Variants in ASTN2 observed in about 807,000 individuals in gnomAD.
ASTN2 encodes astrotactin 2, also known as astrotactin-2.
ASTN2 carries 54 observed loss-of-function variants against 139.8 expected under a neutral mutation model. The ratio of observed to expected loss-of-function variants is 0.39; its 90% CI spans 0.31 to 0.48. ASTN2 has a LOEUF of 0.48. Among genes scored for constraint, ASTN2 ranks in the 20% least tolerant of loss-of-function variants. The pLI is 0.95. For synonymous variants in ASTN2, 756 were observed against 719.5 expected (o/e 1.05, Z -0.81); for missense variants, 1,565 against 1,725.1 (o/e 0.91, Z 1.64).
At chr9:116,861,462 C>T (rs1042247467) in intron 11 of ASTN2, among the ~76,000 whole-genome samples, 1 of 152,178 alleles carries the variant, frequency 6.6e-6, no homozygotes, top group African/African-American at 2.4e-5. Context: ...TTTCAGACTT[C>T]AGCAAATCCT....
intron 5 of ASTN2, among the ~76,000 whole-genome samples, chr9:117,062,735 A>G (rs951170878): frequency 2.6e-5 from 4 of 152,212 alleles, no homozygotes; most frequent in African/African-American, 9.7e-5. Flanking sequence ...CTTTTCTAGC[A>G]TACTATATAG....
chr9:116,943,676 A>G (rs1342186211), intron 10 of ASTN2, among the ~76,000 whole-genome samples: 1 of 152,202 alleles, frequency 6.6e-6, no homozygotes, highest in Non-Finnish European at 1.5e-5. Context: ...TAAAATCCCT[A>G]TCTTTGGCCT....
At chr9:117,153,457 C>T (rs1830367003) in intron 3 of ASTN2, among the ~76,000 whole-genome samples, 1 of 152,116 alleles carries the variant, frequency 6.6e-6, no homozygotes. Context: ...TGTTACGTAG[C>T]ATTGTTGTGG....
At chr9:117,153,745 T>G (rs1057075269) in intron 3 of ASTN2, among the ~76,000 whole-genome samples, 2 of 152,224 alleles carry the variant, frequency 1.3e-5, no homozygotes, top group African/African-American at 4.8e-5. Flanking sequence ...GTGATAATTG[T>G]GAGGATGATC....
intron 16 of ASTN2, among the ~76,000 whole-genome samples, chr9:116,705,617 C>A (rs1827969894): frequency 6.6e-6 from 1 of 152,132 alleles, no homozygotes; most frequent in Non-Finnish European, 1.5e-5. Context: ...AAGACATCTA[C>A]CCTTTATTAT....
intron 4 of ASTN2, among the ~76,000 whole-genome samples, chr9:117,099,750 C>T (rs1002320612): frequency 2.6e-5 from 4 of 152,100 alleles, no homozygotes; most frequent in South Asian, 2.1e-4. Flanking sequence ...CAGACAGTGG[C>T]GGGTAAATCT....
rs1439169784 is a variant in ASTN2, at chr9:116,593,908, T to G, written c.3355+24416A>C. Among the ~76,000 whole-genome samples, 3 of 152,272 alleles carry G rather than the reference T, an allele frequency of 2.0e-5. No individual in the cohort carries two copies. The Middle Eastern group carries it at 0.01, about 518-fold the overall frequency. Reference sequence around the variant, plus strand: ...CCACTTTATTCACAAAGGCCGCACATCCTTAGCCTCTGATTTCAGCCTCAA... The same window carrying G: ...CCACTTTATTCACAAAGGCCGCACAGCCTTAGCCTCTGATTTCAGCCTCAA... On this transcript the variant is annotated intron_variant, in intron 19 of 22. Coordinates refer to ENST00000313400, the MANE Select transcript of ASTN2 (RefSeq NM_001365068.1).
chr9:117,367,164 T>C (rs1299742658), intron 1 of ASTN2, among the ~76,000 whole-genome samples: 3 of 152,152 alleles, frequency 2.0e-5, no homozygotes, highest in African/African-American at 7.2e-5. Flanking sequence ...TTCCCCATTT[T>C]GTGTGCTGTT....
chr9:117,414,456 G>C lies in ASTN2; in HGVS notation c.442+41C>G. The stretch of plus-strand genomic sequence containing the variant: ...CCGTCCGGCATGACGCAGGGGCTCG[G>C]GGTTCCTTGGGATCTAGCGCGTGCC... On this transcript the variant is annotated intron_variant, in intron 1 of 22. Coordinates refer to ENST00000313400, the MANE Select transcript of ASTN2 (RefSeq NM_001365068.1). The surrounding 1 kb of genome is among the most constrained non-coding windows in gnomAD (Gnocchi z 4.2). The C allele has an allele frequency of 6.2e-7, 1 of 1,601,816 alleles. No homozygotes were observed. The highest frequency in any genetic ancestry group is 8.5e-7 in the Non-Finnish European group (1 of 1,174,562).
intron 1 of ASTN2, among the ~76,000 whole-genome samples, chr9:117,396,053 G>T (rs540943802): frequency 1.3e-5 from 2 of 152,072 alleles, no homozygotes; most frequent in Non-Finnish European, 2.9e-5. Context: ...CCCTAAGAAG[G>T]CCACCCCAAA....
At chr9:117,230,401 CCTT>C (rs1195320928) in intron 2 of ASTN2, among the ~76,000 whole-genome samples, 1 of 152,136 alleles carries the variant, frequency 6.6e-6, no homozygotes, top group South Asian at 2.1e-4. Flanking sequence ...CTTCAAATCA[CCTT>C]CTTCTCCCCT....
intron 6 of ASTN2, among the ~76,000 whole-genome samples, chr9:117,027,814 C>T (rs944767283): frequency 1.1e-4 from 17 of 152,098 alleles, no homozygotes; most frequent in Non-Finnish European, 2.2e-4. Context: ...ACATGTGATC[C>T]CTGTGAGGGT....
intron 1 of ASTN2, among the ~76,000 whole-genome samples, chr9:117,358,178 A>G (rs1829594200): frequency 6.6e-6 from 1 of 152,118 alleles, no homozygotes; most frequent in Admixed American, 6.6e-5. Context: ...GTTTCCCTAC[A>G]GGAAGCATCA....
intron 11 of ASTN2, among the ~76,000 whole-genome samples, chr9:116,860,131 T>C (rs1240891212): frequency 1.3e-5 from 2 of 152,268 alleles, no homozygotes; most frequent in Non-Finnish European, 2.9e-5. Flanking sequence ...GCATCAAACA[T>C]GCCCTTAGCT....
rs568030677 is a variant in ASTN2, at chr9:117,308,343, G to T, written c.443-16830C>A. On this transcript the variant is annotated intron_variant, in intron 1 of 22. Transcript: ENST00000313400. ...ATCAATGTTGCACACTGCAATTCATGCTCAACACACCCTCGAGGGACCTAT... is the reference window on the plus strand; with the variant it reads ...ATCAATGTTGCACACTGCAATTCATTCTCAACACACCCTCGAGGGACCTAT... 2.0e-5 allele frequency among the ~76,000 whole-genome samples: 3 copies of T among 152,286 alleles called. No individual in the cohort carries two copies. The South Asian group carries it at 6.2e-4, about 32-fold the overall frequency.
intron 16 of ASTN2, among the ~76,000 whole-genome samples, chr9:116,691,950 G>C (rs963716746): frequency 2.6e-5 from 4 of 152,230 alleles, no homozygotes; most frequent in Admixed American, 2.6e-4. Flanking sequence ...TTTATGTCTT[G>C]TGAAAGGAAA....
chr9:116,892,766 A>G (rs1259961954), intron 10 of ASTN2, among the ~76,000 whole-genome samples: 1 of 152,154 alleles, frequency 6.6e-6, no homozygotes, highest in Non-Finnish European at 1.5e-5. Flanking sequence ...TCATGGCTCA[A>G]ATGTCACCTG....
intron 19 of ASTN2, among the ~76,000 whole-genome samples, chr9:116,500,800 T>C (rs1849828522): frequency 2.0e-5 from 3 of 152,342 alleles, no homozygotes; most frequent in South Asian, 2.1e-4. Flanking sequence ...ACCTAGCACA[T>C]TGCCTTGCGT....
rs151051031 is a variant in ASTN2, at chr9:117,223,208, T to C, written c.631-8466A>G. The stretch of plus-strand genomic sequence containing the variant: ...CCATTGAGGTAGATTTTAACAAGGG[T>C]CTAGGATGGCAGTTCTCAACTGGTG... On this transcript the variant is annotated intron_variant, in intron 2 of 22. Coordinates refer to ENST00000313400, the MANE Select transcript of ASTN2 (RefSeq NM_001365068.1). 2.0e-3 allele frequency among the ~76,000 whole-genome samples: 301 copies of C among 152,140 alleles called. 2 individuals carry two copies. The highest frequency in any genetic ancestry group is 6.9e-3 in the African/African-American group (285 of 41,490).
Sources: allele counts gnomAD v4.1 joint callset (sites outside exome capture counted in the v4.1 genomes callset), GRCh38; gene constraint gnomAD v4.1.1; non-coding constraint Gnocchi (gnomAD v3.1); transcripts MANE v1.5; gene names NCBI Gene and HGNC (gene_info 2026-07-23, HGNC 2026-07-21).